Variants in CELF2 observed in about 807,000 individuals in gnomAD.
The protein encoded by CELF2 is CUGBP Elav-like family member 2.
Under a neutral mutation model 62.6 loss-of-function variants are expected in CELF2, and 8 were observed. The observed-to-expected ratio is 0.13, with a 90% CI of 0.07 to 0.23. The LOEUF is 0.23. Among genes scored for constraint, CELF2 ranks in the 10% least tolerant of loss-of-function variants. The pLI is 1.00. For synonymous variants in CELF2, 258 were observed against 250.0 expected, an observed-to-expected ratio of 1.03 and a Z score of -0.30; for missense variants, 333 against 671.0, an observed-to-expected ratio of 0.50 and a Z score of 5.56.
At chr10:11,135,888 C>T (rs1157293059) in intron 1 of CELF2, among the ~76,000 whole-genome samples, 1 of 152,198 alleles carries the variant, frequency 6.6e-6, no homozygotes, top group Non-Finnish European at 1.5e-5. Context: ...TAGCATCTCA[C>T]TCTAGACCTG....
At chr10:11,078,653 G>A (rs1409284896) in intron 1 of CELF2, among the ~76,000 whole-genome samples, 1 of 152,216 alleles carries the variant, frequency 6.6e-6, no homozygotes, top group African/African-American at 2.4e-5. Context: ...CTTAATGGGT[G>A]AATGAATAAT....
At chr10:10,856,561 A>G (rs1196857923) in intron 1 of CELF2, among the ~76,000 whole-genome samples, 1 of 152,198 alleles carries the variant, frequency 6.6e-6, no homozygotes, top group Admixed American at 6.5e-5. Flanking sequence ...AATGGAAGAA[A>G]TAATCTTCTC....
intron 1 of CELF2, among the ~76,000 whole-genome samples, chr10:10,912,919 G>A (rs1475945721): frequency 1.3e-5 from 2 of 152,132 alleles, no homozygotes; most frequent in Admixed American, 1.3e-4. Context: ...TCCTAACCAT[G>A]GTGTAGTGAT....
chr10:10,601,908 G>A, the CELF2 span, among the ~76,000 whole-genome samples: 46 of 151,516 alleles, frequency 3.0e-4, no homozygotes, highest in Non-Finnish European at 5.7e-4. Context: ...CCCCTCAGCG[G>A]GCCCCAGTGT....
At chr10:11,057,297 T>TG (rs1283259548) in intron 1 of CELF2, among the ~76,000 whole-genome samples, 1 of 119,008 alleles carries the variant, frequency 8.4e-6, no homozygotes, top group Non-Finnish European at 1.7e-5. Context: ...ATGTGTGGGG[T>TG]GGGGGGTGGT....
At chr10:10,602,559 C>T in the CELF2 span, among the ~76,000 whole-genome samples, 11 of 152,104 alleles carry the variant, frequency 7.2e-5, no homozygotes, top group Admixed American at 7.2e-4. Context: ...TTTCATTTCA[C>T]GGATACTCAC....
the CELF2 span, among the ~76,000 whole-genome samples, chr10:10,641,596 A>T: frequency 6.6e-6 from 1 of 152,058 alleles, no homozygotes; most frequent in East Asian, 1.9e-4. Context: ...GACCGCCACC[A>T]CATCCAGCTA....
chr10:11,306,423 G>A lies in CELF2; in HGVS notation c.977-7716G>A, dbSNP rs546566377. 1.2e-4 allele frequency among the ~76,000 whole-genome samples: 18 copies of A among 152,212 alleles called. No homozygotes were observed. In the East Asian group the frequency reaches 3.5e-3, roughly 29 times the overall value. ...GCCAGCACAGAAATGGAGAGTCTGG[G>A]TGTTGGTGGCACCGCATGTGTCTCT... On this transcript the variant is annotated intron_variant, in intron 9 of 12. Coordinates refer to ENST00000633077, the MANE Select transcript of CELF2 (RefSeq NM_001326342.2). This position sits in a 1 kb window ranked among gnomAD's most constrained non-coding sequence, Gnocchi z 4.4.
intron 2 of CELF2, among the ~76,000 whole-genome samples, chr10:10,979,998 CA>C (rs1055221749): frequency 1.3e-5 from 2 of 152,088 alleles, no homozygotes; most frequent in African/African-American, 4.8e-5. Context: ...CTTGTAGAAG[CA>C]AAATGAAAGG....
the CELF2 span, among the ~76,000 whole-genome samples, chr10:10,532,999 T>A: frequency 6.6e-6 from 1 of 152,164 alleles, no homozygotes; most frequent in African/African-American, 2.4e-5. Flanking sequence ...GGCTTCGTGC[T>A]TTCTCTGAGT....
chr10:10,630,712 A>G, the CELF2 span, among the ~76,000 whole-genome samples: 2 of 152,240 alleles, frequency 1.3e-5, no homozygotes, highest in Non-Finnish European at 2.9e-5. Context: ...TGGCAGTGGG[A>G]TGGATGGAAT....
chr10:11,063,953 C>T (rs574872648), intron 1 of CELF2, among the ~76,000 whole-genome samples: 1 of 152,252 alleles, frequency 6.6e-6, no homozygotes, highest in South Asian at 2.1e-4. Context: ...TTTGTAGCTC[C>T]TGGAGTGTGC....
At chr10:10,880,468 A>G (rs1247651219) in intron 1 of CELF2, among the ~76,000 whole-genome samples, 1 of 152,198 alleles carries the variant, frequency 6.6e-6, no homozygotes, top group Non-Finnish European at 1.5e-5. Context: ...TGAAATAGAG[A>G]AGGGTGCTAA....
intron 1 of CELF2, among the ~76,000 whole-genome samples, chr10:10,861,297 C>T (rs956632984): frequency 1.3e-5 from 2 of 152,112 alleles, no homozygotes; most frequent in African/African-American, 4.8e-5. Context: ...TTGTCTCAAA[C>T]TCCTGGGCTC....
chr10:10,921,237 G>A (rs1421328277), intron 2 of CELF2, among the ~76,000 whole-genome samples: 1 of 151,878 alleles, frequency 6.6e-6, no homozygotes, highest in East Asian at 1.9e-4. Context: ...TTACAGGCAT[G>A]AACCACTGTG....
the CELF2 span, among the ~76,000 whole-genome samples, chr10:10,771,136 T>C: frequency 1.3e-5 from 2 of 152,150 alleles, no homozygotes; most frequent in South Asian, 4.1e-4. Flanking sequence ...CCCTGAAGCT[T>C]TTCTCTTCCC....
chr10:11,250,348 A>T (rs532275576), intron 4 of CELF2, among the ~76,000 whole-genome samples: 34 of 152,320 alleles, frequency 2.2e-4, no homozygotes, highest in South Asian at 8.3e-4. Context: ...TAAAGAAAAT[A>T]AAAAAATAGC....
intron 9 of CELF2, among the ~76,000 whole-genome samples, chr10:11,303,830 C>T (rs1565881757): frequency 6.6e-6 from 1 of 152,166 alleles, no homozygotes; most frequent in South Asian, 2.1e-4. Flanking sequence ...GCAGCCAGAC[C>T]CCTGGGTTTA....
chr10:10,578,494 G>A, the CELF2 span, among the ~76,000 whole-genome samples: 2 of 151,990 alleles, frequency 1.3e-5, no homozygotes, highest in Non-Finnish European at 2.9e-5. Context: ...TATGGTTTTA[G>A]GTCTAACATG....
Sources: allele counts gnomAD v4.1 joint callset (sites outside exome capture counted in the v4.1 genomes callset), GRCh38; gene constraint gnomAD v4.1.1; non-coding constraint Gnocchi (gnomAD v3.1); transcripts MANE v1.5; gene names NCBI Gene and HGNC (gene_info 2026-07-23, HGNC 2026-07-21).